Variants in OSBP2 observed in about 807,000 individuals in gnomAD.
The protein encoded by OSBP2 is oxysterol binding protein 2, also known as oxysterol-binding protein 2.
In OSBP2, 66 loss-of-function variants were observed where a neutral mutation model predicts 96.0. The observed-to-expected ratio is 0.69, with a 90% CI of 0.56 to 0.84. The LOEUF (loss-of-function observed/expected upper bound fraction) is 0.84, where lower values mean the gene tolerates loss of function less well. Ranked by LOEUF, OSBP2 falls within the 40% of genes least tolerant of loss-of-function variation. The pLI is 0.00. For missense variants in OSBP2, 1,038 were observed against 1,222.7 expected, an observed-to-expected ratio of 0.85 and a Z score of 2.25; for synonymous variants, 525 against 520.9, an observed-to-expected ratio of 1.01 and a Z score of -0.11.
chr22:30,741,576 G>A (rs1238932730), intron 2 of OSBP2, among the ~76,000 whole-genome samples: 1 of 152,182 alleles, frequency 6.6e-6, no homozygotes, highest in African/African-American at 2.4e-5. Flanking sequence ...TCTTGGCATG[G>A]AAATGTTTTT....
intron 2 of OSBP2, among the ~76,000 whole-genome samples, chr22:30,785,079 T>C (rs2090568409): frequency 6.6e-6 from 1 of 152,066 alleles, no homozygotes; most frequent in African/African-American, 2.4e-5. Context: ...CAGCCTCCTT[T>C]ACTGTTCTTT....
chr22:30,855,859 G>A (rs907500375), intron 2 of OSBP2, among the ~76,000 whole-genome samples: 6 of 152,234 alleles, frequency 3.9e-5, no homozygotes, highest in Non-Finnish European at 8.8e-5. Flanking sequence ...ATTCAAGCCT[G>A]CCTGACTGGG....
intron 2 of OSBP2, among the ~76,000 whole-genome samples, chr22:30,784,247 T>A (rs2090557437): frequency 6.6e-6 from 1 of 151,986 alleles, no homozygotes; most frequent in Non-Finnish European, 1.5e-5. Context: ...GTGATTTATT[T>A]ATTTATTTAT....
rs1218897190 is a variant in OSBP2 at position 30,893,806 on chromosome 22, A to T, written c.2191-11A>T. On this transcript the variant is annotated splice_polypyrimidine_tract_variant and intron_variant, in intron 11 of 13. Coordinates refer to ENST00000332585, the MANE Select transcript of OSBP2 (RefSeq NM_030758.4). Reference sequence around the variant, plus strand: ...AGTCTGCACCTACGCTGGTCCTGCCAATGTCCACAGGTGACAGGAGTGGTG... The same window carrying T: ...AGTCTGCACCTACGCTGGTCCTGCCTATGTCCACAGGTGACAGGAGTGGTG... 1.2e-6 allele frequency: 2 copies of T among 1,600,954 alleles called. No homozygotes were observed. Among genetic ancestry groups the T allele is most frequent in the Non-Finnish European group, 1.7e-6 (2 of 1,173,666 alleles).
chr22:30,707,791 T>C (rs2089278532), intron 1 of OSBP2, among the ~76,000 whole-genome samples: 1 of 152,002 alleles, frequency 6.6e-6, no homozygotes, highest in African/African-American at 2.4e-5. Context: ...ACATGCAGCC[T>C]GAACCATTGC....
At chr22:30,713,977 C>G (rs1481561648) in intron 1 of OSBP2, among the ~76,000 whole-genome samples, 1 of 152,114 alleles carries the variant, frequency 6.6e-6, no homozygotes, top group Non-Finnish European at 1.5e-5. Flanking sequence ...TGTAGTCACC[C>G]TACAGTGCTG....
Position 30,747,027 on chromosome 22 carries a change from A to G in OSBP2, c.853+5658A>G, listed in dbSNP as rs538861145. 6.6e-5 allele frequency among the ~76,000 whole-genome samples: 10 copies of G among 152,326 alleles called. No individual in the cohort carries two copies. In the South Asian group the frequency reaches 2.1e-3, roughly 32 times the overall value. On this transcript the variant is annotated intron_variant, in intron 2 of 13. Coordinates refer to ENST00000332585, the MANE Select transcript of OSBP2 (RefSeq NM_030758.4). The stretch of plus-strand genomic sequence containing the variant: ...GGTAGTTCAACAACAACCAAAAAAC[A>G]AACAATGTAGTACATCAATTTGACT...
intron 2 of OSBP2, among the ~76,000 whole-genome samples, chr22:30,855,611 A>C (rs192490698): frequency 8.5e-4 from 130 of 152,336 alleles, no homozygotes; most frequent in African/African-American, 3.0e-3. Flanking sequence ...CTCTGGTCCT[A>C]AGCAGCCTTT....
At chr22:30,826,074 G>C (rs2038399053) in intron 2 of OSBP2, among the ~76,000 whole-genome samples, 1 of 152,132 alleles carries the variant, frequency 6.6e-6, no homozygotes. Flanking sequence ...CCAGGTCCTG[G>C]AATGTTCTGA....
chr22:30,884,115 A>T (rs1365284853), intron 3 of OSBP2, among the ~76,000 whole-genome samples: 2 of 152,226 alleles, frequency 1.3e-5, no homozygotes. Context: ...GGACAGCCTT[A>T]TAAGACCCAT....
In OSBP2 at chr22:30,901,062, A is replaced by G. The variant is rs189537884; in HGVS notation, c.2376-4775A>G. On this transcript the variant is annotated intron_variant, in intron 12 of 13. Coordinates refer to ENST00000332585, the MANE Select transcript of OSBP2 (RefSeq NM_030758.4). ...CATAGTTAAAAATAAAAATTTTTAA[A>G]AGATCACATAAAGAACTTTTTTTTG... Among the ~76,000 whole-genome samples the G allele has an allele frequency of 2.9e-4, 44 of 152,294 alleles. 1 individual carries two copies. In the East Asian group the frequency reaches 6.9e-3, roughly 24 times the overall value.
Position 30,695,438 on chromosome 22 carries a change from C to G in OSBP2, c.529C>G (p.Leu177Val). 1 of 1,613,732 alleles carries G rather than the reference C, an allele frequency of 6.2e-7. No individual in the cohort carries two copies. The highest frequency in any genetic ancestry group is 8.5e-7 in the Non-Finnish European group (1 of 1,180,036). ...GACTGGCACGACCTCCAGTGCCCCA[C>G]TGGCCTTACTGCCTCTGGACAGCTT... Reference protein sequence around the residue: ...SGTGTTSSAPLALLPLDSFEG... With the variant: ...SGTGTTSSAPVALLPLDSFEG... Residue 177 changes from leucine to valine, a missense_variant, in exon 1 of 14, where the codon CTG (leucine) becomes GTG (valine). Physicochemically the swap from Leu to Val is conservative, Grantham distance 32 (BLOSUM62 1). Transcript: ENST00000332585.
intron 2 of OSBP2, among the ~76,000 whole-genome samples, chr22:30,827,126 C>A (rs530709975): frequency 6.6e-6 from 1 of 152,072 alleles, no homozygotes; most frequent in Non-Finnish European, 1.5e-5. Flanking sequence ...TAGGTTTCAG[C>A]GAGGTGTCAG....
chr22:30,865,871 C>T (rs1322180434), intron 2 of OSBP2, among the ~76,000 whole-genome samples: 2 of 152,082 alleles, frequency 1.3e-5, no homozygotes. Flanking sequence ...CCAGAACTGC[C>T]GCCTCCCCAC....
chr22:30,874,215 C>T (rs753522974), intron 3 of OSBP2, among the ~76,000 whole-genome samples: 37 of 151,444 alleles, frequency 2.4e-4, no homozygotes, highest in African/African-American at 1.2e-4. Flanking sequence ...CCAAACTGAA[C>T]GACAGAGTGA....
intron 2 of OSBP2, among the ~76,000 whole-genome samples, chr22:30,804,978 CA>C (rs900246346): frequency 3.3e-5 from 5 of 152,080 alleles, no homozygotes; most frequent in African/African-American, 1.2e-4. Context: ...CATTTATAGC[CA>C]AAAAAGTTTT....
intron 1 of OSBP2, among the ~76,000 whole-genome samples, chr22:30,740,152 G>A (rs1269755956): frequency 2.6e-5 from 4 of 151,796 alleles, no homozygotes; most frequent in Non-Finnish European, 5.9e-5. Flanking sequence ...GCCAAGGGGA[G>A]CAGAGTTTTT....
At chr22:30,894,344 C>CA (rs1218670880) in intron 12 of OSBP2, 1 of 226,284 alleles carries the variant, frequency 4.4e-6, no homozygotes, top group East Asian at 9.8e-5. Context: ...AGAAATTCGA[C>CA]AAAGGGAAAA....
intron 1 of OSBP2, among the ~76,000 whole-genome samples, chr22:30,718,369 A>G (rs534938867): frequency 3.3e-5 from 5 of 152,272 alleles, no homozygotes; most frequent in African/African-American, 1.2e-4. Context: ...CTCTTTATCT[A>G]TAGAGTGAGA....
Sources: allele counts gnomAD v4.1 joint callset (sites outside exome capture counted in the v4.1 genomes callset), GRCh38; gene constraint gnomAD v4.1.1; transcripts MANE v1.5; gene names NCBI Gene and HGNC (gene_info 2026-07-23, HGNC 2026-07-21).